OGFR: variants seen among roughly 807,000 people sequenced by gnomAD.
OGFR encodes protein 7-60.
Under a neutral mutation model 33.6 loss-of-function variants are expected in OGFR, and 18 were observed. The observed-to-expected ratio is 0.54, with a 90% CI of 0.37 to 0.80. The LOEUF is 0.80. OGFR is among the 30% of genes least tolerant of loss of function. The pLI, the probability that OGFR is intolerant of heterozygous loss-of-function variation, is 0.00. For synonymous variants in OGFR, 370 were observed against 400.7 expected (o/e 0.92, Z 0.91); for missense variants, 877 against 955.8 (o/e 0.92, Z 1.09).
rs550047909 is a variant in OGFR, at chr20:62,810,078, A to G, written c.398+415A>G. 3.7e-5 allele frequency among the ~76,000 whole-genome samples: 4 copies of G among 109,528 alleles called. No individual in the cohort carries two copies. The East Asian group carries it at 1.1e-3, about 30-fold the overall frequency. The allele number at this position is 109,528 out of a possible 152,430, so 71.9% of individuals were successfully genotyped here. A position where few individuals can be genotyped will look rare whatever the true frequency, so the allele number is the denominator to read the frequency against. ...GTGGCAGGCGTCTTGGGGACCCACA[A>G]TGTGGCCCCGGAAACAGCATGCCCT... On this transcript the variant is annotated intron_variant, in intron 4 of 6. Transcript: ENST00000290291.
rs370651425 is a variant in OGFR at position 62,813,812 on chromosome 20, G to T, written c.*163G>T. 23 of 811,794 alleles carry T rather than the reference G, an allele frequency of 2.8e-5. No individual in the cohort carries two copies. The highest frequency in any genetic ancestry group is 5.2e-5 in the African/African-American group (3 of 57,672). 50.3% of individuals were successfully genotyped at this position (811,794 alleles called of 1,614,324 possible). On this transcript the variant is annotated 3_prime_UTR_variant, in exon 7 of 7. Coordinates refer to ENST00000290291, the MANE Select transcript of OGFR (RefSeq NM_007346.4). Reference sequence around the variant, plus strand: ...GCCACTATAGCAGCCACCAGAAGCCGCGAGGCCCTCAGGGAAGCCCAAGGC... The same window carrying T: ...GCCACTATAGCAGCCACCAGAAGCCTCGAGGCCCTCAGGGAAGCCCAAGGC...
intron 1 of OGFR, chr20:62,805,669 C>A (rs1009627832): frequency 6.6e-6 from 1 of 152,332 alleles, no homozygotes; most frequent in Non-Finnish European, 1.5e-5. Flanking sequence ...CCGGGAAGTG[C>A]ATGGAACTCG....
intron 1 of OGFR, 176 bp from the exon 2 acceptor site, chr20:62,807,361 C>A: frequency 1.6e-6 from 1 of 632,532 alleles, no homozygotes. Context: ...AAATCTGCCC[C>A]ACTGGGAACC....
At chr20:62,811,409 G>A (rs1990724585) in intron 5 of OGFR, 53 bp from the exon 6 acceptor site, 3 of 1,595,678 alleles carry the variant, frequency 1.9e-6, no homozygotes, top group Non-Finnish European at 2.6e-6. Context: ...CCCACACTCA[G>A]GAACCGGGGC....
chr20:62,807,599 C>A lies in OGFR; in HGVS notation c.234C>A (p.Asn78Lys), dbSNP rs372061901. 3 of 1,611,218 alleles carry A rather than the reference C, an allele frequency of 1.9e-6. No individual in the cohort carries two copies. Residue 78 changes from asparagine (N) to lysine (K), a missense_variant, in exon 2 of 7, where the codon AAC (asparagine) becomes AAA (lysine). This residue lies in a region of OGFR where 760 missense variants were observed against 736.0 expected (regional missense o/e 1.03). Coordinates refer to ENST00000290291, the MANE Select transcript of OGFR (RefSeq NM_007346.4). ...ATRDMCRYRH[N>K]YPDLVERDCN... Reference sequence around the variant, plus strand: ...GGGACATGTGTAGGTATCGGCACAACTATCCGGTACGTACCTGCCCCTGCC... The same window carrying A: ...GGGACATGTGTAGGTATCGGCACAAATATCCGGTACGTACCTGCCCCTGCC...
chr20:62,811,339 A>ATGTC (rs962647306), intron 5 of OGFR, 123 bp from the exon 6 acceptor site: 59 of 1,075,124 alleles, frequency 5.5e-5, no homozygotes, highest in East Asian at 1.6e-4. Context: ...CTCTAAATAA[A>ATGTC]TGTCTGTCTG....
At chr20:62,809,152 C>G (rs1277889576) in intron 3 of OGFR, among the ~76,000 whole-genome samples, 1 of 152,184 alleles carries the variant, frequency 6.6e-6, no homozygotes, top group East Asian at 1.9e-4. Flanking sequence ...CTGTCAGGCC[C>G]CCATCTCAGG....
At position 62,813,836 on chromosome 20, in the gene OGFR, G is replaced by A. The variant is rs1447422685; in HGVS notation, c.*187G>A. ...CGCGAGGCCCTCAGGGAAGCCCAAG[G>A]CCTGCAGAAGCCTCCTGGCCTGGCT... On this transcript the variant is annotated 3_prime_UTR_variant, in exon 7 of 7. Coordinates refer to ENST00000290291, the MANE Select transcript of OGFR (RefSeq NM_007346.4). The A allele has an allele frequency of 4.6e-6, 3 of 645,742 alleles. No individual in the cohort carries two copies. Among genetic ancestry groups the A allele is most frequent in the Non-Finnish European group, 8.0e-6 (3 of 376,682 alleles). The allele number at this position is 645,742 out of a possible 1,614,324, so 40.0% of individuals were successfully genotyped here.
chr20:62,813,433 G>A lies in OGFR; in HGVS notation c.1818G>A (p.Pro606=), dbSNP rs28368556. Residue 606 remains proline, a synonymous_variant, in exon 7 of 7, where the codon CCG becomes CCA. Coordinates refer to ENST00000290291, the MANE Select transcript of OGFR (RefSeq NM_007346.4). ...CATCGGAGACCCCAGGCCCCCGCCC[G>A]GCAGGACCTGCAGGGGACGAGCCAG... ...ESPSETPGPR[P]AGPAGDEPAE... The A allele has an allele frequency of 0.072, 76,825 of 1,068,868 alleles. 14,480 individuals are homozygous for A. The highest frequency in any genetic ancestry group is 0.43 in the East Asian group (12,791 of 29,804). The allele number at this position is 1,068,868 out of a possible 1,614,324, so 66.2% of individuals were successfully genotyped here.
chr20:62,808,751 A>G (rs996501595), intron 3 of OGFR, among the ~76,000 whole-genome samples: 1 of 152,138 alleles, frequency 6.6e-6, no homozygotes, highest in Non-Finnish European at 1.5e-5. Context: ...AGGCGGGTGG[A>G]TCACAAAGTC....
rs771432270 is a variant in OGFR at position 62,812,598 on chromosome 20, G to C, written c.983G>C (p.Arg328Pro). 6.4e-6 allele frequency: 10 copies of C among 1,566,662 alleles called. No individual in the cohort carries two copies. The highest frequency in any genetic ancestry group is 2.4e-5 in the East Asian group (1 of 42,352). ...GACCACGAGGCCAGCACCCAGGGTC[G>C]GACCTGTGGGCCAGAGCATAGCAAG... ...DPDHEASTQGRTCGPEHSKGG... is the reference protein window; with the variant it reads ...DPDHEASTQGPTCGPEHSKGG... Residue 328 changes from arginine (R) to proline (P), a missense_variant, in exon 7 of 7, where the codon CGG (arginine) becomes CCG (proline). By Grantham distance (103) the Arg-to-Pro change is moderately radical (BLOSUM62 -2). Transcript: ENST00000290291.
In OGFR at chr20:62,811,625, C is replaced by CGGGG; in HGVS notation, c.614+15_614+16insGGGG. 1.9e-6 allele frequency: 3 copies of CGGGG among 1,548,414 alleles called. No homozygotes were observed. The highest frequency in any genetic ancestry group is 1.7e-6 in the Non-Finnish European group (2 of 1,145,086). On this transcript the variant is annotated intron_variant, in intron 6 of 6. Transcript: ENST00000290291. ...AACCTGAACTGGTGAGGCCCGGCTG[C>CGGGG]TCCCGCCCACCCCCACCCCGGCGCA... is the stretch of plus-strand genomic sequence containing the variant.
At chr20:62,808,890 G>GCTTGAA (rs1384412916) in intron 3 of OGFR, among the ~76,000 whole-genome samples, 1 of 145,054 alleles carries the variant, frequency 6.9e-6, no homozygotes, top group Non-Finnish European at 1.5e-5. Flanking sequence ...CAGGAGAATC[G>GCTTGAA]CTTGAACTTG....
rs41310199 is a variant in OGFR at position 62,812,946 on chromosome 20, G to T, written c.1331G>T (p.Arg444Leu). The T allele has an allele frequency of 7.4e-6, 12 of 1,612,094 alleles. No homozygotes were observed. The highest frequency in any genetic ancestry group is 1.1e-5 in the South Asian group (1 of 91,058). Residue 444 changes from arginine to leucine, a missense_variant, in exon 7 of 7, where the codon CGC (arginine) becomes CTC (leucine). By Grantham distance (102) the Arg-to-Leu change is moderately radical. This residue lies in a region of OGFR where 760 missense variants were observed against 736.0 expected (regional missense o/e 1.03). Transcript: ENST00000290291. Reference protein sequence around the residue: ...QDPGEAVQPCRQPLGARVADK... With the variant: ...QDPGEAVQPCLQPLGARVADK... The stretch of plus-strand genomic sequence containing the variant: ...CCTGGGGAGGCAGTGCAGCCCTGCC[G>T]CCAACCCCTGGGAGCCAGGGTGGCC...
rs1990626493 is a variant in OGFR, at chr20:62,807,595, A to G, written c.230A>G (p.His77Arg). ...ACGAGGGACATGTGTAGGTATCGGC[A>G]CAACTATCCGGTACGTACCTGCCCC... Reference protein sequence around the residue: ...RATRDMCRYRHNYPDLVERDC... With the variant: ...RATRDMCRYRRNYPDLVERDC... The change falls in exon 2 of 7, where the codon CAC becomes CGC. Residue 77 changes from histidine to arginine, a missense_variant. By Grantham distance (29) the His-to-Arg change is conservative. Around this residue, in one of 3 missense-constraint regions of OGFR, gnomAD observed 760 missense variants for 736.0 expected, o/e 1.03. Transcript: ENST00000290291. The G allele has an allele frequency of 6.2e-7, 1 of 1,610,122 alleles. No homozygotes were observed. The highest frequency in any genetic ancestry group is 8.5e-7 in the Non-Finnish European group (1 of 1,178,782).
chr20:62,809,402 C>T (rs1383470187), intron 3 of OGFR, among the ~76,000 whole-genome samples, 183 bp from the exon 4 acceptor site: 2 of 152,194 alleles, frequency 1.3e-5, no homozygotes, highest in Non-Finnish European at 1.5e-5. Flanking sequence ...GGCTGTGCAT[C>T]GGAGGAGGGA....
At chr20:62,808,065 G>C in intron 2 of OGFR, 182 bp from the exon 3 acceptor site, 2 of 666,448 alleles carry the variant, frequency 3.0e-6, no homozygotes, top group South Asian at 1.6e-5. Flanking sequence ...GGGGTCCCTG[G>C]GGCTTGGAGG....
In OGFR at chr20:62,813,492, C is replaced by T. The variant is rs961395539; in HGVS notation, c.1877C>T (p.Pro626Leu). Residue 626 changes from proline (P) to leucine (L), a missense_variant, in exon 7 of 7, where the codon CCG becomes CTG. Pro to Leu is a moderately conservative substitution (Grantham distance 98). This residue lies in a region of OGFR where 72 missense variants were observed against 181.8 expected (regional missense o/e 0.40). Coordinates refer to ENST00000290291, the MANE Select transcript of OGFR (RefSeq NM_007346.4). ...ESPSETPGPR[P>L]AGPAGDEPAE... ...CCATCGGAGACCCCAGGCCCCCGCC[C>T]GGCAGGACCTGCAGGGGACGAGCCA... 22 of 1,422,722 alleles carry T rather than the reference C, an allele frequency of 1.5e-5. No individual in the cohort carries two copies. The East Asian group carries it at 3.7e-4, about 24-fold the overall frequency. The allele number at this position is 1,422,722 out of a possible 1,614,324, so 88.1% of individuals were successfully genotyped here.
At chr20:62,810,235 C>T (rs942655909) in intron 4 of OGFR, among the ~76,000 whole-genome samples, 3 of 152,192 alleles carry the variant, frequency 2.0e-5, no homozygotes, top group African/African-American at 7.2e-5. Context: ...TGGATGGCTG[C>T]AGGGCCCCTC....
Sources: allele counts gnomAD v4.1 joint callset (sites outside exome capture counted in the v4.1 genomes callset), GRCh38; gene constraint gnomAD v4.1.1; regional missense constraint gnomAD v4.1.1; transcripts MANE v1.5; gene names NCBI Gene and HGNC (gene_info 2026-07-23, HGNC 2026-07-21).